Variants in CECR2 observed in about 807,000 individuals in gnomAD.
The protein encoded by CECR2 is CECR2 histone acetyl-lysine reader.
CECR2 carries 30 observed loss-of-function variants against 154.5 expected under a neutral mutation model. That is an observed-to-expected ratio of 0.19 (90% CI 0.15 to 0.26). The LOEUF (loss-of-function observed/expected upper bound fraction) is 0.26. Ranked by LOEUF, CECR2 falls within the 10% of genes least tolerant of loss-of-function variation. The pLI is 1.00. For missense variants in CECR2, 1,743 were observed against 1,829.3 expected (o/e 0.95, Z 0.86); for synonymous variants, 725 against 683.7 (o/e 1.06, Z -0.94).
chr22:17,478,635 G>A (rs185690007), intron 2 of CECR2, among the ~76,000 whole-genome samples: 13 of 152,266 alleles, frequency 8.5e-5, no homozygotes, highest in East Asian at 1.9e-4. Context: ...GATTACAGGC[G>A]TGAGCCACCG....
intron 1 of CECR2, among the ~76,000 whole-genome samples, chr22:17,401,828 A>ACCCCCCCC (rs34211703): frequency 3.5e-5 from 4 of 114,148 alleles, no homozygotes; most frequent in Non-Finnish European, 7.4e-5. Context: ...AATATTTAAC[A>ACCCCCCCC]CCCCCCCCCG....
intron 1 of CECR2, among the ~76,000 whole-genome samples, chr22:17,462,806 A>G (rs1201060704): frequency 6.6e-6 from 1 of 152,148 alleles, no homozygotes; most frequent in African/African-American, 2.4e-5. Flanking sequence ...CCATCTACTC[A>G]GAAGGCCGAG....
At chr22:17,506,629 T>C (rs2055850649) in intron 7 of CECR2, among the ~76,000 whole-genome samples, 1 of 152,108 alleles carries the variant, frequency 6.6e-6, no homozygotes, top group Admixed American at 6.6e-5. Context: ...ACACTTAATG[T>C]CATTTCTTTT....
chr22:17,551,825 CTT>C (rs200273236), intron 17 of CECR2, among the ~76,000 whole-genome samples: 1,888 of 152,092 alleles, frequency 0.012, 43 homozygotes, highest in African/African-American at 0.042. Context: ...AGATTAAACA[CTT>C]TTGTCAGGAG....
intron 9 of CECR2, among the ~76,000 whole-genome samples, chr22:17,533,896 A>G (rs1159232887): frequency 6.6e-6 from 1 of 151,568 alleles, no homozygotes; most frequent in Non-Finnish European, 1.5e-5. Flanking sequence ...TTGTATTTTT[A>G]GTAGACAGGG....
At chr22:17,464,992 T>C (rs112369041) in intron 1 of CECR2, among the ~76,000 whole-genome samples, 18,362 of 122,034 alleles carry the variant, frequency 0.15, 1,562 homozygotes, top group African/African-American at 0.28. Context: ...AACATCAATA[T>C]TTAAATTTTT....
At chr22:17,417,939 G>A (rs999658893) in intron 1 of CECR2, among the ~76,000 whole-genome samples, 1 of 151,644 alleles carries the variant, frequency 6.6e-6, no homozygotes, top group Non-Finnish European at 1.5e-5. Flanking sequence ...TAAATTTTCC[G>A]CTTTTGAGAA....
rs2055815194 is a variant in CECR2 at position 17,505,127 on chromosome 22, A to C, written c.870+111A>C. 1.7e-5 allele frequency: 18 copies of C among 1,061,950 alleles called. No homozygotes were observed. In the Middle Eastern group the frequency reaches 1.1e-3, roughly 65 times the overall value. 65.8% of individuals were successfully genotyped at this position (1,061,950 alleles called of 1,614,324 possible). A position where few individuals can be genotyped will look rare whatever the true frequency, so the allele number is the denominator to read the frequency against. On this transcript the variant is annotated intron_variant, in intron 7 of 18. Coordinates refer to ENST00000262608, the MANE Select transcript of CECR2 (RefSeq NM_001290047.2). ...CACCCCACTGTCCTGGAAATAGTGC[A>C]GTCTTCCATCCTGTCTGAACTCCAG...
At chr22:17,413,325 G>A (rs539435577) in intron 1 of CECR2, among the ~76,000 whole-genome samples, 7 of 152,158 alleles carry the variant, frequency 4.6e-5, no homozygotes, top group African/African-American at 4.8e-5. Flanking sequence ...GGATTTCTTC[G>A]TTTCCAAGCA....
chr22:17,374,262 G>C (rs2063092532), intron 1 of CECR2, among the ~76,000 whole-genome samples: 1 of 152,174 alleles, frequency 6.6e-6, no homozygotes, highest in Non-Finnish European at 1.5e-5. Flanking sequence ...ACGTGGGTAA[G>C]ATCTCTTACC....
At chr22:17,392,099 C>T (rs889101401) in intron 1 of CECR2, among the ~76,000 whole-genome samples, 10 of 152,140 alleles carry the variant, frequency 6.6e-5, no homozygotes, top group East Asian at 5.8e-4. Context: ...TGTGAGCCAC[C>T]GCGTCTGGCC....
Position 17,548,714 on chromosome 22 carries a change from G to A in CECR2, c.3427G>A (p.Gly1143Ser), listed in dbSNP as rs1166513454. ...CATCAGTCCAGGCCTGCAGGGTGTG[G>A]GCCCTGTGATGGGAGGGAAGTCCCC... ...YHISPGLQGV[G>S]PVMGGKSPAS... The change falls in exon 17 of 19, where the codon GGC becomes AGC. Residue 1143 changes from glycine (G) to serine (S), a missense_variant. Around this residue, in one of 4 missense-constraint regions of CECR2, gnomAD observed 1,250 missense variants for 1,192.1 expected, o/e 1.05. Coordinates refer to ENST00000262608, the MANE Select transcript of CECR2 (RefSeq NM_001290047.2). 2.5e-6 allele frequency: 4 copies of A among 1,613,478 alleles called. No individual in the cohort carries two copies. The highest frequency in any genetic ancestry group is 3.4e-6 in the Non-Finnish European group (4 of 1,179,758).
At chr22:17,552,787 T>TTTTTTTTTTTTTTTTTTTTAAA in intron 18 of CECR2, 48 bp from the exon 19 acceptor site, 1 of 1,391,194 alleles carries the variant, frequency 7.2e-7, no homozygotes, top group Non-Finnish European at 9.7e-7. Context: ...TTTTTTTTTT[T>TTTTTTTTTTTTTTTTTTTTAAA]AACAACCCAA....
chr22:17,455,841 C>T (rs550473034), intron 1 of CECR2, among the ~76,000 whole-genome samples: 18 of 152,316 alleles, frequency 1.2e-4, no homozygotes, highest in South Asian at 1.0e-3. Flanking sequence ...GAACTTCTGA[C>T]CTCAGGTGAT....
intron 1 of CECR2, among the ~76,000 whole-genome samples, chr22:17,376,044 G>A (rs2063115503): frequency 6.6e-6 from 1 of 152,026 alleles, no homozygotes; most frequent in Admixed American, 6.6e-5. Context: ...AAAGATTCAG[G>A]ATCTGCACCC....
At chr22:17,404,364 C>CTTTTTTTTTTTGTTTTTTTTTTTTT (rs1209598318) in intron 1 of CECR2, among the ~76,000 whole-genome samples, 1 of 59,608 alleles carries the variant, frequency 1.7e-5, no homozygotes, top group Non-Finnish European at 3.2e-5. Flanking sequence ...GGACCCTGTT[C>CTTTTTTTTTTTGTTTTTTTTTTTTT]TTTCTTTTTT....
chr22:17,539,551 C>T (rs2056488888), intron 13 of CECR2, among the ~76,000 whole-genome samples: 1 of 152,082 alleles, frequency 6.6e-6, no homozygotes, highest in Non-Finnish European at 1.5e-5. Context: ...TTAGGAGATA[C>T]ATATACCTAA....
chr22:17,477,283 G>A (rs2055224607), intron 1 of CECR2: 1 of 613,476 alleles, frequency 1.6e-6, no homozygotes, highest in Admixed American at 2.8e-5. Flanking sequence ...AAAGAGTTAA[G>A]CTCTTTAATT....
intron 9 of CECR2, among the ~76,000 whole-genome samples, chr22:17,531,498 A>G (rs2056354877): frequency 6.6e-6 from 1 of 152,224 alleles, no homozygotes; most frequent in South Asian, 2.1e-4. Flanking sequence ...TCCCAGCCCC[A>G]TTATCACAAA....
Sources: allele counts gnomAD v4.1 joint callset (sites outside exome capture counted in the v4.1 genomes callset), GRCh38; gene constraint gnomAD v4.1.1; regional missense constraint gnomAD v4.1.1; transcripts MANE v1.5; gene names NCBI Gene and HGNC (gene_info 2026-07-23, HGNC 2026-07-21).